MDGA2: variants seen among roughly 807,000 people sequenced by gnomAD.
MDGA2 encodes the protein MAM domain containing glycosylphosphatidylinositol anchor 2.
Under a neutral mutation model 117.8 loss-of-function variants are expected in MDGA2, and 40 were observed. The ratio of observed to expected loss-of-function variants is 0.34; its 90% CI spans 0.26 to 0.44. MDGA2 has a LOEUF of 0.44. Ranked by LOEUF, MDGA2 falls within the 20% of genes least tolerant of loss-of-function variation. MDGA2 has a pLI of 1.00. For synonymous variants in MDGA2, 452 were observed against 439.0 expected (o/e 1.03, Z -0.37); for missense variants, 1,123 against 1,250.6 (o/e 0.90, Z 1.54).
intron 2 of MDGA2, among the ~76,000 whole-genome samples, chr14:47,232,194 T>C (rs1276958578): frequency 6.6e-6 from 1 of 152,086 alleles, no homozygotes; most frequent in Non-Finnish European, 1.5e-5. Context: ...AGAGATGTGC[T>C]TTGTAAAGCA....
At chr14:47,022,692 G>A (rs1316912732) in intron 8 of MDGA2, among the ~76,000 whole-genome samples, 1 of 152,140 alleles carries the variant, frequency 6.6e-6, no homozygotes, top group East Asian at 1.9e-4. Context: ...TTGGAGTAAT[G>A]TCTTGAAGAT....
chr14:47,128,960 A>G (rs916162044), intron 5 of MDGA2, among the ~76,000 whole-genome samples: 5 of 152,082 alleles, frequency 3.3e-5, no homozygotes, highest in Non-Finnish European at 7.4e-5. Context: ...AAGTGCTGGG[A>G]TTACAGGAGT....
At chr14:47,510,784 T>A (rs1345318923) in intron 1 of MDGA2, among the ~76,000 whole-genome samples, 2 of 152,214 alleles carry the variant, frequency 1.3e-5, no homozygotes, top group East Asian at 3.9e-4. Context: ...CTCATCACAG[T>A]TAACCTCCCA....
rs1025311936 is a variant in MDGA2 at position 47,340,733 on chromosome 14, A to G, written c.281-39183T>C. 5.9e-5 allele frequency among the ~76,000 whole-genome samples: 9 copies of G among 152,300 alleles called. No homozygotes were observed. The South Asian group carries it at 1.9e-3, about 32-fold the overall frequency. On this transcript the variant is annotated intron_variant, in intron 1 of 16. Coordinates refer to ENST00000399232, the MANE Select transcript of MDGA2 (RefSeq NM_001113498.3). ...GCAATAGCATGGCAAATGTCAATTA[A>G]GTTCCTCTTTTCTCATAAATCTGGA...
chr14:46,982,876 TC>T lies in MDGA2; in HGVS notation c.1820-25234del, dbSNP rs1886734630. Among the ~76,000 whole-genome samples the T allele has an allele frequency of 2.0e-5, 3 of 152,062 alleles. No individual in the cohort carries two copies. The South Asian group carries it at 6.2e-4, about 31-fold the overall frequency. On this transcript the variant is annotated intron_variant, in intron 8 of 16. Transcript: ENST00000399232. ...GGAGTGGTCAGAGAGGGCATCCGTGTCTTGTGCCAGTTTTCAAAGGGAATGC... is the reference window on the plus strand; with the variant it reads ...GGAGTGGTCAGAGAGGGCATCCGTGTTTGTGCCAGTTTTCAAAGGGAATGC...
At chr14:47,636,861 A>T (rs1408257691) in intron 1 of MDGA2, among the ~76,000 whole-genome samples, 2 of 148,704 alleles carry the variant, frequency 1.3e-5, no homozygotes, top group Non-Finnish European at 3.0e-5. Flanking sequence ...AATCCCAGCT[A>T]CTCGGGAGGC....
At chr14:47,033,724 T>G (rs1888743031) in intron 8 of MDGA2, among the ~76,000 whole-genome samples, 1 of 152,156 alleles carries the variant, frequency 6.6e-6, no homozygotes, top group Admixed American at 6.6e-5. Flanking sequence ...ATTTGGCATT[T>G]GTTTGCAAAT....
intron 1 of MDGA2, among the ~76,000 whole-genome samples, chr14:47,638,012 T>C (rs1189178198): frequency 6.6e-6 from 1 of 152,214 alleles, no homozygotes; most frequent in Admixed American, 6.5e-5. Flanking sequence ...GCTTTGAACA[T>C]GTGATTATAG....
At chr14:47,633,233 C>G (rs1269465021) in intron 1 of MDGA2, among the ~76,000 whole-genome samples, 1 of 151,968 alleles carries the variant, frequency 6.6e-6, no homozygotes, top group Non-Finnish European at 1.5e-5. Context: ...TATTGAAGCT[C>G]TTAAGGGTCA....
At chr14:46,875,014 T>C (rs183265770) in intron 12 of MDGA2, among the ~76,000 whole-genome samples, 5 of 151,768 alleles carry the variant, frequency 3.3e-5, no homozygotes, top group Admixed American at 1.3e-4. Flanking sequence ...AGAGTGTGTA[T>C]CCTTGAGAAA....
intron 1 of MDGA2, among the ~76,000 whole-genome samples, chr14:47,625,927 T>C (rs577318366): frequency 2.0e-5 from 3 of 152,324 alleles, no homozygotes; most frequent in Non-Finnish European, 2.9e-5. Context: ...GCTATCTTTA[T>C]ACAGCTAATT....
At chr14:47,505,998 A>C (rs1894503452) in intron 1 of MDGA2, among the ~76,000 whole-genome samples, 1 of 152,230 alleles carries the variant, frequency 6.6e-6, no homozygotes, top group Non-Finnish European at 1.5e-5. Flanking sequence ...TCTGTGGACA[A>C]AAAGTTTGTA....
intron 2 of MDGA2, among the ~76,000 whole-genome samples, chr14:47,236,418 T>G (rs575986911): frequency 1.1e-4 from 17 of 152,220 alleles, no homozygotes; most frequent in African/African-American, 4.1e-4. Flanking sequence ...CAGTTGGTGT[T>G]TGAGGAAAGT....
At chr14:47,205,706 T>C (rs1418912790) in intron 3 of MDGA2, among the ~76,000 whole-genome samples, 1 of 152,024 alleles carries the variant, frequency 6.6e-6, no homozygotes, top group Non-Finnish European at 1.5e-5. Flanking sequence ...TAAGTCTCTT[T>C]GTTAAATTCA....
intron 1 of MDGA2, among the ~76,000 whole-genome samples, chr14:47,665,790 GCCCGCCCCCTCCCTCGCCCCCCCTCCCC>G (rs1178515626): frequency 8.7e-6 from 1 of 114,730 alleles, no homozygotes; most frequent in African/African-American, 3.5e-5. Context: ...GGGACTAGCA[GCCCGCCCCCTCCCTCGCCCCCCCTCCCC>G]CCCGCCCCCG....
intron 6 of MDGA2, among the ~76,000 whole-genome samples, chr14:47,082,291 G>A (rs1174603284): frequency 6.7e-6 from 1 of 148,342 alleles, no homozygotes; most frequent in Non-Finnish European, 1.5e-5. Context: ...TCAGATATCA[G>A]TTCAGGCAAC....
At chr14:47,349,020 C>A (rs1890822180) in intron 1 of MDGA2, among the ~76,000 whole-genome samples, 1 of 152,118 alleles carries the variant, frequency 6.6e-6, no homozygotes, top group African/African-American at 2.4e-5. Flanking sequence ...ATTTGGACTT[C>A]TTTGGCAGTA....
At chr14:47,548,691 C>T (rs748794922) in intron 1 of MDGA2, among the ~76,000 whole-genome samples, 1 of 152,130 alleles carries the variant, frequency 6.6e-6, no homozygotes, top group Non-Finnish European at 1.5e-5. Context: ...GCCTCGAGAT[C>T]AGTCAAGGGT....
At chr14:47,280,255 G>C (rs905711006) in intron 2 of MDGA2, among the ~76,000 whole-genome samples, 2 of 143,634 alleles carry the variant, frequency 1.4e-5, no homozygotes, top group African/African-American at 5.2e-5. Context: ...CAGAGGTTGC[G>C]GTGCGCCGAG....
Sources: gnomAD v4.1 joint callset for allele counts (sites outside exome capture counted in the v4.1 genomes callset) on GRCh38, gnomAD v4.1.1 for gene constraint, MANE v1.5 for transcripts, NCBI Gene and HGNC (gene_info 2026-07-23, HGNC 2026-07-21) for gene names.